Variants in MGAT4C observed in about 807,000 individuals in gnomAD.
MGAT4C encodes MGAT4 family member C.
In MGAT4C, 19 loss-of-function variants were observed where a neutral mutation model predicts 40.1. The observed-to-expected ratio is 0.47, with a 90% confidence interval of 0.33 to 0.70. The LOEUF is 0.70. MGAT4C is among the 30% of genes least tolerant of loss of function. The probability of loss-of-function intolerance (pLI) is 0.02; values close to 1 mark genes in which losing one functional copy is unlikely to be tolerated. For synonymous variants in MGAT4C, 181 were observed against 187.1 expected, an observed-to-expected ratio of 0.97 and a Z score of 0.27; for missense variants, 491 against 563.2, an observed-to-expected ratio of 0.87 and a Z score of 1.30.
chr12:86,675,447 G>T (rs1215003382), intron 2 of MGAT4C, among the ~76,000 whole-genome samples: 1 of 152,124 alleles, frequency 6.6e-6, no homozygotes, highest in African/African-American at 2.4e-5. Flanking sequence ...AACAGCCTCT[G>T]CTCTGATTCC....
At chr12:86,737,305 C>A (rs1266936937) in intron 1 of MGAT4C, among the ~76,000 whole-genome samples, 1 of 148,490 alleles carries the variant, frequency 6.7e-6, no homozygotes, top group Non-Finnish European at 1.5e-5. Context: ...CTATCAGAAG[C>A]AATTGGCACC....
intron 2 of MGAT4C, among the ~76,000 whole-genome samples, chr12:86,493,971 C>G (rs540500452): frequency 6.6e-5 from 10 of 151,896 alleles, no homozygotes; most frequent in Admixed American, 3.9e-4. Flanking sequence ...TTAAGTACTA[C>G]TTTATTGAGT....
At chr12:86,000,367 A>T (rs1373141725) in intron 2 of MGAT4C, among the ~76,000 whole-genome samples, 1 of 152,218 alleles carries the variant, frequency 6.6e-6, no homozygotes, top group Non-Finnish European at 1.5e-5. Context: ...CATTATTAAT[A>T]TCATGAATGA....
At chr12:86,332,008 A>G (rs1343434211) in intron 4 of MGAT4C, among the ~76,000 whole-genome samples, 1 of 152,156 alleles carries the variant, frequency 6.6e-6, no homozygotes, top group Non-Finnish European at 1.5e-5. Context: ...CACAACTGGG[A>G]CAAAATTAAA....
chr12:86,297,760 A>T (rs1207147732), intron 4 of MGAT4C, among the ~76,000 whole-genome samples: 1 of 152,140 alleles, frequency 6.6e-6, no homozygotes, highest in African/African-American at 2.4e-5. Context: ...TTAACAAAAG[A>T]AAAAAAGGGA....
intron 2 of MGAT4C, among the ~76,000 whole-genome samples, chr12:86,692,187 A>G (rs1021600119): frequency 2.6e-5 from 4 of 152,210 alleles, no homozygotes; most frequent in African/African-American, 9.6e-5. Context: ...GAAAAGAGGA[A>G]AGAGAGAATG....
chr12:86,794,304 A>G (rs2136195955), intron 1 of MGAT4C, among the ~76,000 whole-genome samples: 1 of 151,920 alleles, frequency 6.6e-6, no homozygotes, highest in African/African-American at 2.4e-5. Context: ...CAAATAAACT[A>G]GAAATTAGTT....
chr12:86,750,112 A>G (rs1412861227), intron 1 of MGAT4C, among the ~76,000 whole-genome samples: 1 of 151,844 alleles, frequency 6.6e-6, no homozygotes, highest in African/African-American at 2.4e-5. Flanking sequence ...AGAAGAGTCT[A>G]TTAAGAGAGA....
chr12:86,744,304 GA>G (rs113005629), intron 1 of MGAT4C, among the ~76,000 whole-genome samples: 2,220 of 148,134 alleles, frequency 0.015, 24 homozygotes, highest in South Asian at 0.026. Flanking sequence ...GGTTGCTAAG[GA>G]AAAAAAAAAT....
chr12:86,201,830 G>T (rs1950063262), intron 1 of MGAT4C, among the ~76,000 whole-genome samples: 1 of 151,902 alleles, frequency 6.6e-6, no homozygotes, highest in Non-Finnish European at 1.5e-5. Flanking sequence ...ATTTCTCCCA[G>T]AAATGGTTTT....
intron 1 of MGAT4C, among the ~76,000 whole-genome samples, chr12:86,060,857 G>T (rs1893889043): frequency 6.6e-6 from 1 of 152,124 alleles, no homozygotes; most frequent in South Asian, 2.1e-4. Context: ...GCTCCTGGGG[G>T]ACTGAGCTGG....
intron 3 of MGAT4C, among the ~76,000 whole-genome samples, chr12:86,425,806 T>C (rs528381819): frequency 3.0e-4 from 45 of 152,302 alleles, no homozygotes; most frequent in African/African-American, 1.1e-3. Flanking sequence ...CTTGGGTATT[T>C]CCAAGATGAA....
intron 1 of MGAT4C, among the ~76,000 whole-genome samples, chr12:86,231,509 A>T (rs559897879): frequency 2.0e-5 from 3 of 152,290 alleles, no homozygotes; most frequent in African/African-American, 7.2e-5. Flanking sequence ...TAATTCTGGA[A>T]ATCAAGTATG....
intron 3 of MGAT4C, among the ~76,000 whole-genome samples, chr12:86,382,833 C>A (rs1277695424): frequency 1.3e-5 from 2 of 152,210 alleles, no homozygotes; most frequent in African/African-American, 4.8e-5. Context: ...GTACAGAAGT[C>A]ATGAATTGGG....
intron 1 of MGAT4C, among the ~76,000 whole-genome samples, chr12:86,065,397 G>C (rs1592830838): frequency 6.6e-6 from 1 of 152,124 alleles, no homozygotes; most frequent in African/African-American, 2.4e-5. Context: ...ATGCAAGGCT[G>C]GTTCAACATA....
intron 4 of MGAT4C, among the ~76,000 whole-genome samples, chr12:86,305,941 C>T (rs1953924754): frequency 6.7e-6 from 1 of 150,370 alleles, no homozygotes; most frequent in Admixed American, 6.6e-5. Flanking sequence ...TTCACATTCA[C>T]CCTTTACCCA....
At chr12:86,048,148 C>T (rs904373096) in intron 2 of MGAT4C, among the ~76,000 whole-genome samples, 17 of 152,050 alleles carry the variant, frequency 1.1e-4, no homozygotes, top group Non-Finnish European at 1.8e-4. Context: ...AACAAAATCG[C>T]GTCCTTTGCA....
At chr12:86,630,903 G>T (rs1963013552) in intron 2 of MGAT4C, among the ~76,000 whole-genome samples, 1 of 152,064 alleles carries the variant, frequency 6.6e-6, no homozygotes, top group Non-Finnish European at 1.5e-5. Flanking sequence ...GTTCAGGCCG[G>T]GGCAATCAGG....
At chr12:86,270,044 GT>G (rs749602386) in intron 4 of MGAT4C, among the ~76,000 whole-genome samples, 1 of 151,734 alleles carries the variant, frequency 6.6e-6, no homozygotes, top group Admixed American at 6.6e-5. Flanking sequence ...CTCTGTTTTT[GT>G]TTTGTTTTGT....
Sources: allele counts gnomAD v4.1 joint callset (sites outside exome capture counted in the v4.1 genomes callset), GRCh38; gene constraint gnomAD v4.1.1; transcripts MANE v1.5; gene names NCBI Gene and HGNC (gene_info 2026-07-23, HGNC 2026-07-21).